The following VCL variants were observed in gnomAD, a reference collection of about 807,000 sequenced individuals.
VCL encodes the protein vinculin, also known as epididymis luminal protein 114.
A neutral mutation model predicts 125.7 loss-of-function variants in VCL; 47 were observed. The ratio of observed to expected loss-of-function variants is 0.37; its 90% CI spans 0.30 to 0.48. The LOEUF (loss-of-function observed/expected upper bound fraction) is 0.48, where lower values mean the gene tolerates loss of function less well. VCL is among the 20% of genes least tolerant of loss of function. VCL has a pLI of 0.99. For missense variants in VCL, 1,069 were observed against 1,455.5 expected (o/e 0.73, Z 4.32); for synonymous variants, 458 against 514.6 (o/e 0.89, Z 1.49).
chr10:74,050,518 A>G (rs530372426), intron 2 of VCL, among the ~76,000 whole-genome samples: 1 of 152,338 alleles, frequency 6.6e-6, no homozygotes, highest in East Asian at 1.9e-4. Context: ...CTTTTGACCT[A>G]AAGTAATGAT....
At chr10:74,029,367 C>T (rs1463396325) in intron 1 of VCL, among the ~76,000 whole-genome samples, 1 of 152,094 alleles carries the variant, frequency 6.6e-6, no homozygotes, top group Non-Finnish European at 1.5e-5. Context: ...CCTGCCTCAG[C>T]CTCCCAAAGT....
At chr10:74,043,892 C>T (rs1026298918) in intron 2 of VCL, among the ~76,000 whole-genome samples, 1 of 151,498 alleles carries the variant, frequency 6.6e-6, no homozygotes, top group Non-Finnish European at 1.5e-5. Context: ...TGGATCACCT[C>T]AGGTCAGGAG....
intron 17 of VCL, among the ~76,000 whole-genome samples, chr10:74,107,558 T>A (rs1389176361): frequency 6.6e-6 from 1 of 152,114 alleles, no homozygotes; most frequent in East Asian, 1.9e-4. Flanking sequence ...GTTGTGTGTG[T>A]GTGTGTAGTA....
In VCL at chr10:74,071,067, A is replaced by G. The variant is rs754020959; in HGVS notation, c.483A>G (p.Thr161=). ...CTATGGAAGATTTGGTCACTTACAC[A>G]AAGAATCTTGGGCCAGGTTAGTTTT... is the stretch of plus-strand genomic sequence containing the variant. ...VETMEDLVTY[T]KNLGPGMTKM... is the part of the protein sequence containing the mutation. Residue 161 remains threonine, a synonymous_variant, in exon 4 of 22, where the codon ACA becomes ACG. Transcript: ENST00000211998. The surrounding 1 kb of genome is among the most constrained non-coding windows in gnomAD (Gnocchi z 4.1). The G allele has an allele frequency of 6.2e-7, 1 of 1,614,140 alleles. No homozygotes were observed. Among genetic ancestry groups the G allele is most frequent in the Non-Finnish European group, 8.5e-7 (1 of 1,179,974 alleles).
rs537668190 is a variant in VCL, at chr10:74,116,729, A to G, written c.3259-1294A>G. On this transcript the variant is annotated intron_variant, in intron 21 of 21. Coordinates refer to ENST00000211998, the MANE Select transcript of VCL (RefSeq NM_014000.3). The stretch of plus-strand genomic sequence containing the variant: ...ATAAAATAAAATAAAATAAACAACA[A>G]CAAAAAACAAAACCCATAGGACTAT... 4.6e-5 allele frequency among the ~76,000 whole-genome samples: 7 copies of G among 152,090 alleles called. No individual in the cohort carries two copies. In the East Asian group the frequency reaches 1.4e-3, roughly 29 times the overall value.
chr10:74,074,700 A>T, intron 5 of VCL, 43 bp from the exon 6 acceptor site: 1 of 1,603,024 alleles, frequency 6.2e-7, no homozygotes, highest in South Asian at 1.1e-5. Context: ...TTATACAACA[A>T]GATTAAATTC....
chr10:74,104,913 T>C, intron 15 of VCL, 138 bp from the exon 16 acceptor site: 1 of 967,366 alleles, frequency 1.0e-6, no homozygotes, highest in Non-Finnish European at 1.5e-6. Flanking sequence ...AAGCTTTTGA[T>C]TATGTAGGAA....
At chr10:74,087,359 T>G (rs1839799525) in intron 8 of VCL, among the ~76,000 whole-genome samples, 1 of 133,922 alleles carries the variant, frequency 7.5e-6, no homozygotes, top group Non-Finnish European at 1.6e-5. Flanking sequence ...TTTTTTTCTT[T>G]TTTTGAGACG....
intron 1 of VCL, among the ~76,000 whole-genome samples, chr10:74,008,243 G>A (rs1840355949): frequency 6.6e-6 from 1 of 152,148 alleles, no homozygotes; most frequent in African/African-American, 2.4e-5. Flanking sequence ...CCATCTCATG[G>A]AATTTATAAT....
chr10:74,065,014 C>T (rs1182588756), intron 2 of VCL, among the ~76,000 whole-genome samples: 2 of 152,026 alleles, frequency 1.3e-5, no homozygotes, highest in African/African-American at 2.4e-5. Context: ...ATGACAAAAA[C>T]ACTACCTATC....
chr10:74,046,618 A>G (rs1365139983), intron 2 of VCL, among the ~76,000 whole-genome samples: 2 of 152,224 alleles, frequency 1.3e-5, no homozygotes. Flanking sequence ...TTTACCTTAC[A>G]TTAAAAACAT....
intron 1 of VCL, among the ~76,000 whole-genome samples, chr10:74,003,536 C>T (rs1840267801): frequency 6.6e-6 from 1 of 152,140 alleles, no homozygotes; most frequent in South Asian, 2.1e-4. Flanking sequence ...TTGCTTTCTC[C>T]AGTGCATCTG....
intron 8 of VCL, 61 bp from the exon 9 acceptor site, chr10:74,089,135 G>T: frequency 6.2e-7 from 1 of 1,609,046 alleles, no homozygotes; most frequent in South Asian, 1.1e-5. Context: ...GTGCTATTGG[G>T]AATATTTTGT....
intron 1 of VCL, among the ~76,000 whole-genome samples, chr10:74,021,731 A>G (rs1840671055): frequency 6.6e-6 from 1 of 152,238 alleles, no homozygotes; most frequent in South Asian, 2.1e-4. Flanking sequence ...TACTATAATG[A>G]TAGCACTAGA....
chr10:74,088,026 G>A (rs945491465), intron 8 of VCL, among the ~76,000 whole-genome samples: 1 of 152,144 alleles, frequency 6.6e-6, no homozygotes, highest in East Asian at 1.9e-4. Context: ...ACCCACAGAG[G>A]CTAGATAGAT....
At chr10:74,046,274 C>T (rs1841195593) in intron 2 of VCL, among the ~76,000 whole-genome samples, 1 of 152,082 alleles carries the variant, frequency 6.6e-6, no homozygotes, top group South Asian at 2.1e-4. Context: ...TTGAGACAGG[C>T]TCTCACTCTG....
intron 1 of VCL, among the ~76,000 whole-genome samples, chr10:74,037,744 TCCA>T (rs1234801146): frequency 6.6e-6 from 1 of 152,186 alleles, no homozygotes. Context: ...GCTTCTCCTT[TCCA>T]GGCCTGGCTC....
At position 74,114,394 on chromosome 10, in the gene VCL, G is replaced by A. The variant is rs774484087; in HGVS notation, c.3153+7G>A. 3.7e-6 allele frequency: 6 copies of A among 1,609,620 alleles called. No individual in the cohort carries two copies. The highest frequency in any genetic ancestry group is 1.4e-5 in the African/African-American group (1 of 72,402). On this transcript the variant is annotated splice_region_variant and intron_variant, in intron 20 of 21. Transcript: ENST00000211998. ...TAGAACCAACCTCTTACAGGTACTCGGGGAAAGAGGCTGCGTGTGTGTGTG... is the reference window on the plus strand; with the variant it reads ...TAGAACCAACCTCTTACAGGTACTCAGGGAAAGAGGCTGCGTGTGTGTGTG...
At chr10:74,004,868 C>T (rs1242864007) in intron 1 of VCL, among the ~76,000 whole-genome samples, 1 of 152,010 alleles carries the variant, frequency 6.6e-6, no homozygotes, top group African/African-American at 2.4e-5. Context: ...CCATGCCTGG[C>T]TAATTTTTGT....
Sources: allele counts gnomAD v4.1 joint callset (sites outside exome capture counted in the v4.1 genomes callset), GRCh38; gene constraint gnomAD v4.1.1; non-coding constraint Gnocchi (gnomAD v3.1); transcripts MANE v1.5; gene names NCBI Gene and HGNC (gene_info 2026-07-23, HGNC 2026-07-21).